Variants in UGT2B11 observed in about 807,000 individuals in gnomAD.
UGT2B11 encodes UDP glucuronosyltransferase family 2 member B11, also known as UDP-glucuronosyltransferase 2B11.
In UGT2B11, 49 loss-of-function variants were observed where a neutral mutation model predicts 51.7. That is an observed-to-expected ratio of 0.95 (90% CI 0.75 to 1.20). The LOEUF (loss-of-function observed/expected upper bound fraction) is 1.20, where lower values mean the gene tolerates loss of function less well. UGT2B11 is among the 50% of genes most tolerant of loss of function. The pLI is 0.00. For synonymous variants in UGT2B11, 273 were observed against 209.0 expected (o/e 1.31, Z -2.64); for missense variants, 810 against 622.1 (o/e 1.30, Z -3.21).
At chr4:69,201,468 C>A (rs1721657289) in intron 5 of UGT2B11, among the ~76,000 whole-genome samples, 1 of 151,818 alleles carries the variant, frequency 6.6e-6, no homozygotes, top group African/African-American at 2.4e-5. Context: ...GTTATTTGGT[C>A]TACAGAACCC....
rs748605878 is a variant in UGT2B11 at position 69,204,586 on chromosome 4, T to A, written c.1154A>T (p.Tyr385Phe). ...AATGCCCACCATAGGGATCCCATGG[T>A]AGATTGCCTCATAGATGCCATTGGC... The part of the protein sequence containing the change: ...GGANGIYEAI[Y>F]HGIPMVGIPL... Residue 385 changes from tyrosine (Y) to phenylalanine (F), a missense_variant, in exon 5 of 6, where the codon TAC (tyrosine) becomes TTC (phenylalanine). By Grantham distance (22) the Tyr-to-Phe change is conservative (BLOSUM62 3). Transcript: ENST00000446444. The A allele has an allele frequency of 3.7e-6, 6 of 1,612,166 alleles. No individual in the cohort carries two copies. The Admixed American group carries it at 5.0e-5, about 13-fold the overall frequency.
At chr4:69,200,874 T>A (rs1721632358) in intron 5 of UGT2B11, among the ~76,000 whole-genome samples, 155 bp from the exon 6 acceptor site, 1 of 151,856 alleles carries the variant, frequency 6.6e-6, no homozygotes, top group South Asian at 2.1e-4. Context: ...TTATCATAGA[T>A]AGTTTGGCTT....
the UGT2B11 span, among the ~76,000 whole-genome samples, chr4:69,222,458 G>C: frequency 6.6e-6 from 1 of 152,094 alleles, no homozygotes; most frequent in Non-Finnish European, 1.5e-5. Flanking sequence ...AAATGCCAGC[G>C]GCCCCAGTCT....
At chr4:69,224,386 T>C in the UGT2B11 span, among the ~76,000 whole-genome samples, 1 of 151,226 alleles carries the variant, frequency 6.6e-6, no homozygotes, top group Non-Finnish European at 1.5e-5. Flanking sequence ...CCATGAAAAG[T>C]GAAAGAGTAT....
At chr4:69,203,180 A>G (rs1721722403) in intron 5 of UGT2B11, among the ~76,000 whole-genome samples, 1 of 151,746 alleles carries the variant, frequency 6.6e-6, no homozygotes, top group Non-Finnish European at 1.5e-5. Context: ...GACAAATAGA[A>G]AAGTTAAAAA....
intron 3 of UGT2B11, among the ~76,000 whole-genome samples, chr4:69,206,963 T>C (rs1045508889): frequency 4.0e-5 from 6 of 151,684 alleles, no homozygotes; most frequent in African/African-American, 1.5e-4. Context: ...AGATTTTATG[T>C]ATAACTTCAT....
chr4:69,214,199 G>A lies in UGT2B11; in HGVS notation c.524C>T (p.Thr175Ile), dbSNP rs142298755. ...GTGCCTTTCAATTGTGTAGCCAGGAGTAAAGCGGAGACTGTACACAAACCG... is the reference window on the plus strand; with the variant it reads ...GTGCCTTTCAATTGTGTAGCCAGGAATAAAGCGGAGACTGTACACAAACCG... ...NIRFVYSLRFTPGYTIERHSG... is the reference protein window; with the variant it reads ...NIRFVYSLRFIPGYTIERHSG... The change falls in exon 1 of 6, where the codon ACT (threonine) becomes ATT (isoleucine). Residue 175 changes from threonine (T) to isoleucine (I), a missense_variant. Coordinates refer to ENST00000446444, the MANE Select transcript of UGT2B11 (RefSeq NM_001073.3). 3.5e-5 allele frequency: 56 copies of A among 1,612,990 alleles called. No homozygotes were observed. The African/African-American group carries it at 7.2e-4, about 21-fold the overall frequency.
intron 1 of UGT2B11, 92 bp from the exon 2 acceptor site, chr4:69,212,813 T>A (rs1722122743): frequency 1.4e-6 from 2 of 1,416,210 alleles, no homozygotes; most frequent in African/African-American, 3.0e-5. Flanking sequence ...TAAGCAAAGA[T>A]GTAGGTAAAG....
intron 4 of UGT2B11, among the ~76,000 whole-genome samples, 197 bp from the exon 5 acceptor site, chr4:69,204,846 G>T (rs569068453): frequency 6.6e-6 from 1 of 151,812 alleles, no homozygotes; most frequent in African/African-American, 2.4e-5. Flanking sequence ...ACTTCAGACT[G>T]CAAAACTTAA....
rs192052646 is a variant in UGT2B11 at position 69,200,664 on chromosome 4, G to C, written c.1366C>G (p.Pro456Ala). ...SRIQHDQPVK[P>A]LDRAVFWIEF... ...ATCCAGAAGACTGCTCGATCCAGGG[G>C]CTTTACTGGTTGATCATGTTGAATT... Residue 456 changes from proline to alanine, a missense_variant, in exon 6 of 6, where the codon CCC becomes GCC. Coordinates refer to ENST00000446444, the MANE Select transcript of UGT2B11 (RefSeq NM_001073.3). 1 of 1,611,952 alleles carries C rather than the reference G, an allele frequency of 6.2e-7. No homozygotes were observed. The highest frequency in any genetic ancestry group is 1.3e-5 in the African/African-American group (1 of 74,722).
intron 3 of UGT2B11, among the ~76,000 whole-genome samples, chr4:69,206,793 T>C (rs1721876154): frequency 6.6e-6 from 1 of 151,664 alleles, no homozygotes; most frequent in South Asian, 2.1e-4. Flanking sequence ...CATCTCCAAA[T>C]TTAATTGTAA....
chr4:69,214,527 G>A lies in UGT2B11; in HGVS notation c.196C>T (p.Pro66Ser). The change falls in exon 1 of 6, where the codon CCC becomes TCC. Residue 66 changes from proline to serine, a missense_variant. Coordinates refer to ENST00000446444, the MANE Select transcript of UGT2B11 (RefSeq NM_001073.3). ...LASSASILFDPNDASTLKFEV... is the reference protein window; with the variant it reads ...LASSASILFDSNDASTLKFEV... The stretch of plus-strand genomic sequence containing the variant: ...AATTTAAGAGTGGATGCATCATTGG[G>A]ATCAAAAAGAATGGAAGCTGAAGAT... 6.2e-7 allele frequency: 1 copy of A among 1,613,008 alleles called. No individual in the cohort carries two copies. Among genetic ancestry groups the A allele is most frequent in the Non-Finnish European group, 8.5e-7 (1 of 1,179,444 alleles).
At chr4:69,211,367 G>A (rs1041556549) in intron 2 of UGT2B11, among the ~76,000 whole-genome samples, 2 of 151,414 alleles carry the variant, frequency 1.3e-5, no homozygotes, top group African/African-American at 2.4e-5. Context: ...GTCACAATTG[G>A]TATGTATAAT....
intron 3 of UGT2B11, among the ~76,000 whole-genome samples, chr4:69,206,925 A>G (rs1721880746): frequency 6.6e-6 from 1 of 151,634 alleles, no homozygotes; most frequent in South Asian, 2.1e-4. Context: ...AAAATAAGCT[A>G]CTTATAAGAA....
intron 2 of UGT2B11, among the ~76,000 whole-genome samples, chr4:69,211,992 G>C (rs950742267): frequency 6.6e-6 from 1 of 151,296 alleles, no homozygotes; most frequent in Non-Finnish European, 1.5e-5. Flanking sequence ...CACTTTATCT[G>C]CTTTCCCTTT....
At chr4:69,220,931 G>T in the UGT2B11 span, among the ~76,000 whole-genome samples, 1 of 152,170 alleles carries the variant, frequency 6.6e-6, no homozygotes, top group South Asian at 2.1e-4. Flanking sequence ...CTAATTCCAT[G>T]TCATCATTTA....
intron 5 of UGT2B11, 83 bp from the exon 6 acceptor site, chr4:69,200,802 C>T (rs1721629788): frequency 2.2e-6 from 3 of 1,361,708 alleles, no homozygotes; most frequent in Admixed American, 2.5e-5. Context: ...GCTTTTAAAG[C>T]ATCAAATAAT....
chr4:69,205,256 A>G (rs1721805696), intron 4 of UGT2B11, among the ~76,000 whole-genome samples: 2 of 151,782 alleles, frequency 1.3e-5, no homozygotes, highest in Admixed American at 1.3e-4. Flanking sequence ...GTGAGATATA[A>G]TAGCACCTGA....
upstream of UGT2B11, chr4:69,214,937 T>C (rs1328600403): frequency 1.4e-6 from 1 of 727,574 alleles, no homozygotes; most frequent in Non-Finnish European, 2.1e-6. Flanking sequence ...TTATATTCAC[T>C]GTCATCCACC....
Sources: allele counts gnomAD v4.1 joint callset (sites outside exome capture counted in the v4.1 genomes callset), GRCh38; gene constraint gnomAD v4.1.1; transcripts MANE v1.5; gene names NCBI Gene and HGNC (gene_info 2026-07-23, HGNC 2026-07-21).